PAPPA: variants seen among roughly 807,000 people sequenced by gnomAD.
The protein encoded by PAPPA is pappalysin-1.
PAPPA carries 60 observed loss-of-function variants against 164.0 expected under a neutral mutation model. The observed-to-expected ratio is 0.37, with a 90% CI of 0.30 to 0.45. The LOEUF is 0.45. Among genes scored for constraint, PAPPA ranks in the 20% least tolerant of loss-of-function variants. The pLI is 1.00. For synonymous variants in PAPPA, 875 were observed against 814.1 expected (o/e 1.07, Z -1.27); for missense variants, 1,782 against 2,087.3 (o/e 0.85, Z 2.85).
At chr9:116,235,822 T>C (rs1256145709) in intron 7 of PAPPA, among the ~76,000 whole-genome samples, 185 bp downstream of exon 7, 3 of 152,144 alleles carry the variant, frequency 2.0e-5, no homozygotes, top group East Asian at 1.9e-4. Flanking sequence ...GGAAGAGCAA[T>C]AGGGAAGGAA....
chr9:116,328,414 C>A lies in PAPPA; in HGVS notation c.3148-2830C>A, dbSNP rs181946394. The stretch of plus-strand genomic sequence containing the variant: ...AGTGGCTATGTTCTACCCTTAGCCT[C>A]CTCAGTGTGAGGCTTCTAGAGATTT... On this transcript the variant is annotated intron_variant, in intron 10 of 21. Coordinates refer to ENST00000328252, the MANE Select transcript of PAPPA (RefSeq NM_002581.5). 2.2e-4 allele frequency among the ~76,000 whole-genome samples: 34 copies of A among 152,284 alleles called. No homozygotes were observed. In the East Asian group the frequency reaches 5.8e-3, roughly 26 times the overall value.
intron 9 of PAPPA, among the ~76,000 whole-genome samples, chr9:116,279,142 T>C (rs1253270575): frequency 6.6e-6 from 1 of 152,080 alleles, no homozygotes; most frequent in Non-Finnish European, 1.5e-5. Context: ...TCAGCTCCGA[T>C]TTTTAGGATT....
intron 10 of PAPPA, among the ~76,000 whole-genome samples, chr9:116,313,233 G>A (rs528707848): frequency 5.9e-5 from 9 of 152,116 alleles, no homozygotes; most frequent in Non-Finnish European, 1.3e-4. Flanking sequence ...CATGAGAGAT[G>A]TCCCTGCTGA....
intron 9 of PAPPA, among the ~76,000 whole-genome samples, chr9:116,279,347 G>T (rs1264153614): frequency 6.6e-6 from 1 of 152,112 alleles, no homozygotes; most frequent in East Asian, 1.9e-4. Flanking sequence ...CAACAGGGAG[G>T]TCTGATGGAT....
chr9:116,287,421 G>C (rs1232001933), intron 9 of PAPPA: 2 of 152,190 alleles, frequency 1.3e-5, no homozygotes, highest in Non-Finnish European at 2.9e-5. Flanking sequence ...GGCAGCTCTG[G>C]GGATTTGAAG....
At chr9:116,223,665 C>T (rs1844471487) in intron 5 of PAPPA, among the ~76,000 whole-genome samples, 1 of 152,160 alleles carries the variant, frequency 6.6e-6, no homozygotes, top group Admixed American at 6.5e-5. Context: ...GAAGTCAGTC[C>T]ACAAATTCAA....
In PAPPA at chr9:116,154,091, A is replaced by AG; in HGVS notation, c.-81dup. On this transcript the variant is annotated 5_prime_UTR_variant, in exon 1 of 22. Transcript: ENST00000328252. The surrounding 1 kb of genome is among the most constrained non-coding windows in gnomAD (Gnocchi z 5.2). ...CCAAGAAGGGTGAAGAAGCGAAGAA[A>AG]GTCGAGGCGCCGAGGCTCCCAAAGC... The AG allele has an allele frequency of 1.8e-6, 2 of 1,132,722 alleles. No individual in the cohort carries two copies. Among genetic ancestry groups the AG allele is most frequent in the Non-Finnish European group, 2.2e-6 (2 of 919,586 alleles). 70.2% of individuals were successfully genotyped at this position (1,132,722 alleles called of 1,614,324 possible). A position where few individuals can be genotyped will look rare whatever the true frequency, so the allele number is the denominator to read the frequency against.
At chr9:116,163,960 A>G (rs1741994835) in intron 1 of PAPPA, among the ~76,000 whole-genome samples, 1 of 152,192 alleles carries the variant, frequency 6.6e-6, no homozygotes, top group South Asian at 2.1e-4. Context: ...AATCCATCCT[A>G]TTAATAATAT....
intron 5 of PAPPA, among the ~76,000 whole-genome samples, chr9:116,220,953 T>G (rs1844438085): frequency 7.1e-6 from 1 of 141,796 alleles, no homozygotes; most frequent in African/African-American, 2.6e-5. Context: ...CCAAATGTTT[T>G]TTTTTTTTAT....
At chr9:116,301,152 G>C (rs1484175781) in intron 9 of PAPPA, among the ~76,000 whole-genome samples, 1 of 151,996 alleles carries the variant, frequency 6.6e-6, no homozygotes, top group Non-Finnish European at 1.5e-5. Flanking sequence ...AAGCCTTAGG[G>C]TGACCATATA....
intron 17 of PAPPA, among the ~76,000 whole-genome samples, chr9:116,354,332 C>A (rs1337382051): frequency 1.3e-5 from 2 of 152,128 alleles, no homozygotes; most frequent in Admixed American, 6.5e-5. Flanking sequence ...TTCTTCAAAT[C>A]CTACACATGC....
chr9:116,356,910 T>C (rs902045591), intron 17 of PAPPA, among the ~76,000 whole-genome samples: 18 of 152,326 alleles, frequency 1.2e-4, no homozygotes, highest in African/African-American at 4.3e-4. Flanking sequence ...TGTATACCCA[T>C]GTAACAAACC....
At chr9:116,312,253 T>C (rs11794542) in intron 10 of PAPPA, among the ~76,000 whole-genome samples, 14,451 of 151,842 alleles carry the variant, frequency 0.095, 755 homozygotes, top group South Asian at 0.15. Flanking sequence ...CCCTTCTTTG[T>C]TCTTGTCTTT....
At chr9:116,204,485 G>GCTCACTGCAGCCTT (rs1263254822) in intron 2 of PAPPA, among the ~76,000 whole-genome samples, 7 of 152,154 alleles carry the variant, frequency 4.6e-5, no homozygotes, top group Admixed American at 1.3e-4. Context: ...TACAATCATA[G>GCTCACTGCAGCCTT]CTCACTGCAG....
At chr9:116,193,132 T>A (rs763103093) in intron 2 of PAPPA, among the ~76,000 whole-genome samples, 8 of 151,798 alleles carry the variant, frequency 5.3e-5, no homozygotes, top group Non-Finnish European at 8.8e-5. Context: ...TCTTCTCTTT[T>A]TTATTATTAT....
chr9:116,176,880 T>G (rs1201124697), intron 1 of PAPPA, among the ~76,000 whole-genome samples: 1 of 151,976 alleles, frequency 6.6e-6, no homozygotes, highest in Non-Finnish European at 1.5e-5. Flanking sequence ...TGGGAGAAAG[T>G]TACCACATCA....
intron 21 of PAPPA, among the ~76,000 whole-genome samples, chr9:116,388,935 T>C (rs1846852934): frequency 6.6e-6 from 1 of 152,170 alleles, no homozygotes; most frequent in South Asian, 2.1e-4. Flanking sequence ...ATACCCAACA[T>C]GTAGCACATT....
intron 7 of PAPPA, among the ~76,000 whole-genome samples, chr9:116,242,151 G>A (rs1297489577): frequency 6.6e-6 from 1 of 152,128 alleles, no homozygotes; most frequent in Non-Finnish European, 1.5e-5. Context: ...CATGAAAAGT[G>A]TTATGGTGTG....
At chr9:116,360,952 G>A (rs934206905) in intron 17 of PAPPA, among the ~76,000 whole-genome samples, 3 of 152,174 alleles carry the variant, frequency 2.0e-5, no homozygotes, top group African/African-American at 7.2e-5. Context: ...AGAGCAGGAT[G>A]GGTTGTGCCA....
Sources: allele counts gnomAD v4.1 joint callset (sites outside exome capture counted in the v4.1 genomes callset), GRCh38; gene constraint gnomAD v4.1.1; non-coding constraint Gnocchi (gnomAD v3.1); transcripts MANE v1.5; gene names NCBI Gene and HGNC (gene_info 2026-07-23, HGNC 2026-07-21).